PDE1A: variants seen among roughly 807,000 people sequenced by gnomAD.
PDE1A encodes phosphodiesterase 1A.
Under a neutral mutation model 61.7 loss-of-function variants are expected in PDE1A, and 35 were observed. The ratio of observed to expected loss-of-function variants is 0.57; its 90% CI spans 0.43 to 0.75. The LOEUF is 0.75. PDE1A is among the 30% of genes least tolerant of loss of function. The pLI, the probability that PDE1A is intolerant of heterozygous loss-of-function variation, is 0.00. For synonymous variants in PDE1A, 232 were observed against 213.2 expected, an observed-to-expected ratio of 1.09 and a Z score of -0.77; for missense variants, 597 against 630.6, an observed-to-expected ratio of 0.95 and a Z score of 0.57.
intron 3 of PDE1A, among the ~76,000 whole-genome samples, chr2:182,235,924 T>G (rs1689975123): frequency 6.6e-6 from 1 of 152,250 alleles, no homozygotes; most frequent in Non-Finnish European, 1.5e-5. Flanking sequence ...TCAGTTTCTA[T>G]GTAAAAGCCA....
intron 1 of PDE1A, among the ~76,000 whole-genome samples, chr2:182,422,151 G>C (rs972499494): frequency 7.9e-5 from 12 of 152,244 alleles, no homozygotes; most frequent in African/African-American, 2.4e-4. Flanking sequence ...CTCAATTACA[G>C]GCCTAATAAG....
At chr2:182,215,504 T>C (rs1240034427) in intron 7 of PDE1A, among the ~76,000 whole-genome samples, 1 of 151,096 alleles carries the variant, frequency 6.6e-6, no homozygotes, top group East Asian at 1.9e-4. Context: ...ATCAACAAAA[T>C]TGACAGACCG....
the PDE1A span, among the ~76,000 whole-genome samples, chr2:182,530,423 A>G: frequency 6.6e-6 from 1 of 152,240 alleles, no homozygotes; most frequent in Non-Finnish European, 1.5e-5. Context: ...CTAGAGACTC[A>G]GGATGAATGG....
intron 2 of PDE1A, among the ~76,000 whole-genome samples, chr2:182,436,277 T>C (rs1684400576): frequency 6.6e-6 from 1 of 152,178 alleles, no homozygotes; most frequent in Non-Finnish European, 1.5e-5. Flanking sequence ...GGCAATCTCA[T>C]CTTTGGAATT....
intron 1 of PDE1A, among the ~76,000 whole-genome samples, chr2:182,333,107 G>A (rs1478124612): frequency 6.6e-6 from 1 of 152,024 alleles, no homozygotes; most frequent in Non-Finnish European, 1.5e-5. Flanking sequence ...ACAAAGAGAT[G>A]TAAACTCCCA....
chr2:182,532,963 AAAAAAAAAAAC>A, the PDE1A span, among the ~76,000 whole-genome samples: 2 of 149,400 alleles, frequency 1.3e-5, no homozygotes, highest in Non-Finnish European at 1.5e-5. Context: ...AAAAAAAAAA[AAAAAAAAAAAC>A]AATGAATTTT....
intron 2 of PDE1A, among the ~76,000 whole-genome samples, chr2:182,459,847 C>A (rs936087052): frequency 3.3e-5 from 5 of 152,198 alleles, no homozygotes; most frequent in Non-Finnish European, 7.3e-5. Context: ...CGCTGAGATT[C>A]TAGAGAATAG....
intron 1 of PDE1A, among the ~76,000 whole-genome samples, chr2:182,356,610 T>A (rs1261126119): frequency 6.6e-6 from 1 of 151,760 alleles, no homozygotes; most frequent in Non-Finnish European, 1.5e-5. Context: ...ATTAGTGGGG[T>A]GTGGTCCCAG....
At chr2:182,207,549 T>C (rs1048871916) in intron 7 of PDE1A, among the ~76,000 whole-genome samples, 1 of 152,232 alleles carries the variant, frequency 6.6e-6, no homozygotes, top group Non-Finnish European at 1.5e-5. Context: ...GGAACTTATA[T>C]TTAAAAGAGA....
intron 2 of PDE1A, among the ~76,000 whole-genome samples, chr2:182,500,164 AT>A (rs1258637454): frequency 6.6e-6 from 1 of 152,172 alleles, no homozygotes; most frequent in African/African-American, 2.4e-5. Flanking sequence ...TTAAAATGAG[AT>A]ATTTATTAAT....
intron 1 of PDE1A, among the ~76,000 whole-genome samples, chr2:182,366,060 T>A (rs1336781798): frequency 6.6e-6 from 1 of 152,052 alleles, no homozygotes; most frequent in Non-Finnish European, 1.5e-5. Context: ...TGACACACTG[T>A]TGAAAGGTGA....
chr2:182,553,739 T>C, the PDE1A span, among the ~76,000 whole-genome samples: 1 of 152,116 alleles, frequency 6.6e-6, no homozygotes, highest in Non-Finnish European at 1.5e-5. Flanking sequence ...GAACTGAAAG[T>C]ATGAGTAGGC....
At chr2:182,319,719 C>T (rs551940449) in intron 1 of PDE1A, among the ~76,000 whole-genome samples, 3 of 152,196 alleles carry the variant, frequency 2.0e-5, no homozygotes, top group African/African-American at 7.2e-5. Flanking sequence ...TAGAAGCTGC[C>T]CAGAATGACT....
the PDE1A span, among the ~76,000 whole-genome samples, chr2:182,704,988 T>C: frequency 6.6e-6 from 1 of 152,208 alleles, no homozygotes; most frequent in Admixed American, 6.5e-5. Context: ...AAAAACAGTA[T>C]TTTTTTTGAT....
At chr2:182,643,711 G>A in the PDE1A span, among the ~76,000 whole-genome samples, 542 of 152,176 alleles carry the variant, frequency 3.6e-3, 6 homozygotes, top group African/African-American at 0.012. Context: ...AAAAATGGAG[G>A]TCCAGAAACA....
At chr2:182,347,368 T>G (rs1223333058) in intron 1 of PDE1A, among the ~76,000 whole-genome samples, 1 of 152,146 alleles carries the variant, frequency 6.6e-6, no homozygotes, top group Admixed American at 6.6e-5. Flanking sequence ...GAAATTAATA[T>G]TAAAATCTTC....
chr2:182,154,740 C>T, intron 13 of PDE1A, among the ~76,000 whole-genome samples: 1 of 152,118 alleles, frequency 6.6e-6, no homozygotes, highest in Admixed American at 6.5e-5. Context: ...TTATAAATTA[C>T]CTAGTCTCAA....
At chr2:182,284,617 A>T (rs1694036958) in intron 1 of PDE1A, among the ~76,000 whole-genome samples, 1 of 152,124 alleles carries the variant, frequency 6.6e-6, no homozygotes, top group African/African-American at 2.4e-5. Context: ...AAAATGATTC[A>T]GAAGAAAATA....
At chr2:182,481,626 A>T (rs34224743) in intron 2 of PDE1A, among the ~76,000 whole-genome samples, 1 of 151,960 alleles carries the variant, frequency 6.6e-6, no homozygotes, top group Non-Finnish European at 1.5e-5. Context: ...GATTTAAAGC[A>T]CAGTACAAAA....
Sources: allele counts gnomAD v4.1 joint callset (sites outside exome capture counted in the v4.1 genomes callset), GRCh38; gene constraint gnomAD v4.1.1; transcripts MANE v1.5; gene names NCBI Gene and HGNC (gene_info 2026-07-23, HGNC 2026-07-21).